Variants in GLB1 observed in about 807,000 individuals in gnomAD.
The protein encoded by GLB1 is beta-galactosidase.
In GLB1, 56 loss-of-function variants were observed where a neutral mutation model predicts 74.0. The observed-to-expected ratio is 0.76, with a 90% confidence interval of 0.61 to 0.94. The LOEUF is 0.94. Ranked by LOEUF, GLB1 falls within the 40% of genes least tolerant of loss-of-function variation. The pLI is 0.00. For missense variants in GLB1, 787 were observed against 845.5 expected (o/e 0.93, Z 0.86); for synonymous variants, 323 against 323.6 (o/e 1.00, Z 0.02).
chr3:33,015,736 G>A (rs1186821032), intron 14 of GLB1, among the ~76,000 whole-genome samples: 1 of 152,158 alleles, frequency 6.6e-6, no homozygotes, highest in African/African-American at 2.4e-5. Flanking sequence ...TTATACTGGA[G>A]GCAAAGGTGG....
the GLB1 span, among the ~76,000 whole-genome samples, chr3:32,969,576 C>T: frequency 6.6e-6 from 1 of 152,202 alleles, no homozygotes; most frequent in Non-Finnish European, 1.5e-5. Flanking sequence ...CTTAGCTATG[C>T]TTCTCCTCCT....
intron 1 of GLB1, chr3:33,091,685 G>A (rs1700769370): frequency 1.0e-6 from 1 of 985,126 alleles, no homozygotes; most frequent in Non-Finnish European, 1.2e-6. Context: ...AAGGCTGAGT[G>A]AGGGAAAGTC....
At chr3:33,036,558 T>C (rs555277581) in intron 10 of GLB1, among the ~76,000 whole-genome samples, 13 of 152,312 alleles carry the variant, frequency 8.5e-5, no homozygotes, top group Admixed American at 8.5e-4. Context: ...TTATCCATAT[T>C]GATATTTGTA....
chr3:32,966,501 G>C, the GLB1 span, among the ~76,000 whole-genome samples: 1 of 152,148 alleles, frequency 6.6e-6, no homozygotes, highest in Non-Finnish European at 1.5e-5. Flanking sequence ...TGATTTTACA[G>C]GCCCATAGGT....
chr3:33,080,735 C>T (rs1161031567), intron 1 of GLB1, among the ~76,000 whole-genome samples: 1 of 152,218 alleles, frequency 6.6e-6, no homozygotes, highest in Non-Finnish European at 1.5e-5. Context: ...CCCAGGCTGT[C>T]CCTTCTTTCC....
the GLB1 span, among the ~76,000 whole-genome samples, chr3:32,981,411 A>AG: frequency 1.3e-4 from 20 of 148,816 alleles, no homozygotes; most frequent in East Asian, 3.9e-4. Flanking sequence ...AAAAAAAAAA[A>AG]AAAAAGAAAA....
intron 12 of GLB1, among the ~76,000 whole-genome samples, chr3:33,019,082 G>C (rs1350216527): frequency 6.6e-6 from 1 of 152,142 alleles, no homozygotes; most frequent in Non-Finnish European, 1.5e-5. Flanking sequence ...ACTTGGGGAG[G>C]ATCTCTTGAG....
At chr3:32,976,127 G>C in the GLB1 span, among the ~76,000 whole-genome samples, 1 of 152,168 alleles carries the variant, frequency 6.6e-6, no homozygotes, top group Non-Finnish European at 1.5e-5. Context: ...GCTCCTCCCT[G>C]TAACTGCATC....
chr3:33,087,094 C>A (rs777883180), intron 1 of GLB1, among the ~76,000 whole-genome samples: 9 of 151,282 alleles, frequency 5.9e-5, no homozygotes, highest in Non-Finnish European at 8.8e-5. Context: ...GACATTATAA[C>A]TGATGACACA....
At chr3:33,009,122 AAAATAAATAAATAAAT>A (rs201038052) in intron 15 of GLB1, among the ~76,000 whole-genome samples, 2 of 137,442 alleles carry the variant, frequency 1.5e-5, no homozygotes, top group Non-Finnish European at 3.2e-5. Context: ...TCCATCTTAA[AAAATAAATAAATAAAT>A]AAATAAATAA....
chr3:32,964,034 C>T, the GLB1 span, among the ~76,000 whole-genome samples: 142 of 152,254 alleles, frequency 9.3e-4, no homozygotes, highest in African/African-American at 3.1e-3. Flanking sequence ...AAGATGCTGA[C>T]GTCAGTCCTG....
Position 33,046,104 on chromosome 3 carries a change from C to A in GLB1, c.1068+16G>T. On this transcript the variant is annotated intron_variant, in intron 10 of 15. Coordinates refer to ENST00000307363, the MANE Select transcript of GLB1 (RefSeq NM_000404.4). ...TGTCCAAGATCAGCCCACCACAGCT[C>A]ATACAAAGCACCCACCTTCTGGATG... 6.2e-7 allele frequency: 1 copy of A among 1,611,434 alleles called. No homozygotes were observed. The highest frequency in any genetic ancestry group is 1.1e-5 in the South Asian group (1 of 90,872).
chr3:33,058,763 CA>C (rs1559404977), intron 5 of GLB1, among the ~76,000 whole-genome samples: 2 of 152,190 alleles, frequency 1.3e-5, no homozygotes, highest in African/African-American at 2.4e-5. Flanking sequence ...TTTCTTCCCT[CA>C]AAACTGGCAT....
the GLB1 span, among the ~76,000 whole-genome samples, chr3:32,962,728 A>G: frequency 1.3e-5 from 2 of 151,408 alleles, no homozygotes; most frequent in Non-Finnish European, 2.9e-5. Context: ...ATAAATAATA[A>G]TTAAAATATA....
chr3:32,984,330 G>C, the GLB1 span, among the ~76,000 whole-genome samples: 1 of 152,086 alleles, frequency 6.6e-6, no homozygotes, highest in Non-Finnish European at 1.5e-5. Flanking sequence ...CAAGGGGTTT[G>C]CTTTCCATCT....
chr3:33,067,002 C>CCTT (rs1699709746), intron 4 of GLB1, among the ~76,000 whole-genome samples: 2 of 135,474 alleles, frequency 1.5e-5, no homozygotes, highest in Non-Finnish European at 3.1e-5. Context: ...GTTTTTATTT[C>CCTT]TTTTTTTTTT....
Position 33,093,520 on chromosome 3 carries a change from T to C in GLB1, c.75+3491A>G, listed in dbSNP as rs375621103. 1 of 1,614,202 alleles carries C rather than the reference T, an allele frequency of 6.2e-7. No homozygotes were observed. Among genetic ancestry groups the C allele is most frequent in the Non-Finnish European group, 8.5e-7 (1 of 1,180,040 alleles). On this transcript the variant is annotated intron_variant, in intron 1 of 15. Transcript: ENST00000307363. This position sits in a 1 kb window ranked among gnomAD's most constrained non-coding sequence, Gnocchi z 6.0. The stretch of plus-strand genomic sequence containing the variant: ...TTCACCATCCTCACAAACATTTCCA[T>C]CTTGGTCCTGCCCACTGTGGGGCCC...
At chr3:33,011,653 A>AG (rs767144907) in intron 15 of GLB1, among the ~76,000 whole-genome samples, 6,952 of 149,548 alleles carry the variant, frequency 0.046, 213 homozygotes, top group Non-Finnish European at 0.059. Context: ...AAAAAAAAAA[A>AG]AAAGAAAATA....
chr3:33,075,292 G>A (rs1353142978), intron 1 of GLB1, among the ~76,000 whole-genome samples: 1 of 152,216 alleles, frequency 6.6e-6, no homozygotes, highest in African/African-American at 2.4e-5. Context: ...GCAGAATTCG[G>A]AAAAGGGTAG....
Sources: gnomAD v4.1 joint callset for allele counts (sites outside exome capture counted in the v4.1 genomes callset) on GRCh38, gnomAD v4.1.1 for gene constraint, Gnocchi (gnomAD v3.1) non-coding constraint, MANE v1.5 for transcripts, NCBI Gene and HGNC (gene_info 2026-07-23, HGNC 2026-07-21) for gene names.